Variants in CSMD2 observed in about 807,000 individuals in gnomAD.
The protein encoded by CSMD2 is CUB and sushi domain-containing protein 2.
In CSMD2, 130 loss-of-function variants were observed where a neutral mutation model predicts 398.5. The observed-to-expected ratio is 0.33, with a 90% CI of 0.28 to 0.38. The LOEUF (loss-of-function observed/expected upper bound fraction) is 0.38. Ranked by LOEUF, CSMD2 falls within the 10% of genes least tolerant of loss-of-function variation. The probability of loss-of-function intolerance (pLI) is 1.00; values close to 1 mark genes in which losing one functional copy is unlikely to be tolerated. For synonymous variants in CSMD2, 1,828 were observed against 1,908.5 expected (o/e 0.96, Z 1.10); for missense variants, 3,829 against 4,764.9 (o/e 0.80, Z 5.78).
intron 2 of CSMD2, among the ~76,000 whole-genome samples, chr1:34,075,566 C>T (rs1032458072): frequency 9.2e-5 from 14 of 152,200 alleles, no homozygotes; most frequent in South Asian, 2.1e-4. Context: ...ATTGAGGGAA[C>T]GAGTTGTAGT....
chr1:33,715,671 T>C (rs1277833680), intron 20 of CSMD2, among the ~76,000 whole-genome samples: 2 of 152,106 alleles, frequency 1.3e-5, no homozygotes, highest in Non-Finnish European at 2.9e-5. Flanking sequence ...CATCTGATAC[T>C]CCTGGCCGTG....
chr1:33,820,364 T>C (rs955447399), intron 8 of CSMD2, 105 bp downstream of exon 8: 17 of 774,844 alleles, frequency 2.2e-5, no homozygotes, highest in African/African-American at 6.8e-5. Flanking sequence ...CCTATATCCA[T>C]GCCATCCTCT....
rs140107146 is a variant in CSMD2 at position 33,733,178 on chromosome 1, A to G, written c.2368+5962T>C. On this transcript the variant is annotated intron_variant, in intron 15 of 70. Coordinates refer to ENST00000373381, the MANE Select transcript of CSMD2 (RefSeq NM_001281956.2). The stretch of plus-strand genomic sequence containing the variant: ...CAGTGTGAGTGACCAGAAGTAGTGG[A>G]AGTCCTTTCCTCTGACCAGAGTGCC... Among the ~76,000 whole-genome samples, 688 of 152,252 alleles carry G rather than the reference A, an allele frequency of 4.5e-3. 9 individuals are homozygous for G. The highest frequency in any genetic ancestry group is 0.014 in the African/African-American group (601 of 41,556).
intron 5 of CSMD2, among the ~76,000 whole-genome samples, chr1:33,852,015 C>A (rs1028380836): frequency 6.6e-6 from 1 of 152,064 alleles, no homozygotes; most frequent in African/African-American, 2.4e-5. Context: ...TCCCGGCTAC[C>A]TAGTATGTGT....
At chr1:33,577,009 G>A (rs1244302184) in intron 49 of CSMD2, among the ~76,000 whole-genome samples, 1 of 152,124 alleles carries the variant, frequency 6.6e-6, no homozygotes, top group African/African-American at 2.4e-5. Context: ...TGGCCAGGAG[G>A]AAGCAGATCC....
chr1:33,802,348 C>T (rs1454048576), intron 10 of CSMD2, among the ~76,000 whole-genome samples: 1 of 152,196 alleles, frequency 6.6e-6, no homozygotes, highest in Admixed American at 6.5e-5. Context: ...ATATCCTTAA[C>T]TTGCCTCTCC....
intron 2 of CSMD2, among the ~76,000 whole-genome samples, chr1:34,057,434 A>T (rs1653961925): frequency 6.6e-6 from 1 of 152,018 alleles, no homozygotes; most frequent in Admixed American, 6.6e-5. Flanking sequence ...TTAGAGTGGG[A>T]GGCTCCTGGT....
intron 5 of CSMD2, among the ~76,000 whole-genome samples, chr1:33,906,753 C>G (rs575520909): frequency 1.3e-5 from 2 of 152,256 alleles, no homozygotes; most frequent in South Asian, 4.1e-4. Flanking sequence ...TACAGTTTGA[C>G]TGGCTCAGTG....
chr1:33,727,339 T>C (rs750142846), intron 15 of CSMD2, among the ~76,000 whole-genome samples: 1 of 152,220 alleles, frequency 6.6e-6, no homozygotes, highest in Non-Finnish European at 1.5e-5. Flanking sequence ...GTCTCTGGTC[T>C]TGCAAAGTCT....
chr1:34,132,399 C>T (rs1295680710), intron 1 of CSMD2, among the ~76,000 whole-genome samples: 1 of 152,106 alleles, frequency 6.6e-6, no homozygotes, highest in African/African-American at 2.4e-5. Context: ...TATCACCCCT[C>T]TTCTTCTGAT....
intron 46 of CSMD2, 93 bp from the exon 47 acceptor site, chr1:33,583,923 T>C (rs2148737800): frequency 1.9e-6 from 2 of 1,052,906 alleles, no homozygotes; most frequent in Non-Finnish European, 2.8e-6. Flanking sequence ...AGACAACCCC[T>C]AGAAAATCAG....
At chr1:33,795,216 G>A (rs149922312) in intron 10 of CSMD2, among the ~76,000 whole-genome samples, 31 of 152,320 alleles carry the variant, frequency 2.0e-4, no homozygotes, top group Middle Eastern at 3.4e-3. Flanking sequence ...GTGTGAGCCT[G>A]TAGCAATCAG....
At chr1:33,883,397 A>G (rs1005903353) in intron 5 of CSMD2, among the ~76,000 whole-genome samples, 1 of 152,160 alleles carries the variant, frequency 6.6e-6, no homozygotes, top group Non-Finnish European at 1.5e-5. Flanking sequence ...TCATTTAGTA[A>G]GGACTAAATG....
Position 34,138,544 on chromosome 1 carries a change from G to A in CSMD2, c.187+26367C>T, listed in dbSNP as rs187706543. Among the ~76,000 whole-genome samples the A allele has an allele frequency of 1.5e-4, 23 of 152,288 alleles. No homozygotes were observed. The East Asian group carries it at 3.1e-3, about 20-fold the overall frequency. ...TGTAACAGCTTAACTTCTCTCTTAC[G>A]GTTGGCCACTTATTTCATTTTCACT... On this transcript the variant is annotated intron_variant, in intron 1 of 70. Coordinates refer to ENST00000373381, the MANE Select transcript of CSMD2 (RefSeq NM_001281956.2).
chr1:33,874,220 T>C (rs1640674134), intron 5 of CSMD2, among the ~76,000 whole-genome samples: 1 of 152,240 alleles, frequency 6.6e-6, no homozygotes, highest in Non-Finnish European at 1.5e-5. Flanking sequence ...ACACTTTTAT[T>C]GAATGCCTAC....
rs752501168 is a variant in CSMD2 at position 34,096,112 on chromosome 1, A to T, written c.188-6919T>A. ...GATGCAAGGCTGGTTCAATATACGCAAATCAATAAATGTAATCCAGCATAT... is the reference window on the plus strand; with the variant it reads ...GATGCAAGGCTGGTTCAATATACGCTAATCAATAAATGTAATCCAGCATAT... On this transcript the variant is annotated intron_variant, in intron 1 of 70. Coordinates refer to ENST00000373381, the MANE Select transcript of CSMD2 (RefSeq NM_001281956.2). 1.1e-3 allele frequency among the ~76,000 whole-genome samples: 168 copies of T among 152,196 alleles called. 1 individual carries two copies. Among genetic ancestry groups the T allele is most frequent in the Non-Finnish European group, 2.1e-3 (145 of 68,020 alleles).
At chr1:33,887,246 GA>G (rs71767187) in intron 5 of CSMD2, among the ~76,000 whole-genome samples, 8 of 149,084 alleles carry the variant, frequency 5.4e-5, no homozygotes, top group African/African-American at 2.0e-4. Context: ...CATAAATTCA[GA>G]AAAAAAAAAG....
intron 58 of CSMD2, among the ~76,000 whole-genome samples, chr1:33,542,376 G>A (rs941842543): frequency 1.3e-5 from 2 of 152,204 alleles, no homozygotes; most frequent in South Asian, 4.1e-4. Context: ...AGATAAAAGG[G>A]AAAGCCCAAG....
chr1:33,565,407 A>G (rs1421069971), intron 53 of CSMD2, among the ~76,000 whole-genome samples: 1 of 152,132 alleles, frequency 6.6e-6, no homozygotes, highest in Non-Finnish European at 1.5e-5. Context: ...ACGCAAACAA[A>G]CAAAAATGAA....
Sources: allele counts gnomAD v4.1 joint callset (sites outside exome capture counted in the v4.1 genomes callset), GRCh38; gene constraint gnomAD v4.1.1; transcripts MANE v1.5; gene names NCBI Gene and HGNC (gene_info 2026-07-23, HGNC 2026-07-21).